RIC1: variants seen among roughly 807,000 people sequenced by gnomAD.
RIC1 encodes guanine nucleotide exchange factor subunit RIC1.
Under a neutral mutation model 169.0 loss-of-function variants are expected in RIC1, and 88 were observed. The observed-to-expected ratio is 0.52, with a 90% CI of 0.44 to 0.62. RIC1 has a LOEUF of 0.62. Among genes scored for constraint, RIC1 ranks in the 20% least tolerant of loss-of-function variants. The pLI, the probability that RIC1 is intolerant of heterozygous loss-of-function variation, is 0.00. For missense variants in RIC1, 1,877 were observed against 1,725.5 expected, an observed-to-expected ratio of 1.09 and a Z score of -1.56; for synonymous variants, 790 against 601.5, an observed-to-expected ratio of 1.31 and a Z score of -4.59.
intron 4 of RIC1, among the ~76,000 whole-genome samples, chr9:5,716,154 A>C (rs1007529951): frequency 3.3e-5 from 5 of 152,098 alleles, no homozygotes; most frequent in African/African-American, 9.7e-5. Context: ...CAAGATCCTA[A>C]ATTTAAACAT....
chr9:5,655,472 T>C (rs866155679), intron 1 of RIC1, among the ~76,000 whole-genome samples: 4 of 152,174 alleles, frequency 2.6e-5, no homozygotes, highest in Non-Finnish European at 2.9e-5. Context: ...GGCTAATTTT[T>C]GTATTTTTAG....
chr9:5,637,527 C>T (rs990225811), intron 1 of RIC1, among the ~76,000 whole-genome samples: 2 of 152,162 alleles, frequency 1.3e-5, no homozygotes, highest in African/African-American at 2.4e-5. Context: ...TGTAGTCACC[C>T]TGTTGTGCTA....
At chr9:5,669,765 A>G (rs2130555289) in intron 2 of RIC1, among the ~76,000 whole-genome samples, 1 of 152,310 alleles carries the variant, frequency 6.6e-6, no homozygotes, top group East Asian at 1.9e-4. Flanking sequence ...GGGAATTTAT[A>G]GCCAAGGAGC....
Position 5,770,154 on chromosome 9 carries a change from C to T in RIC1, c.3492C>T (p.Ile1164=), listed in dbSNP as rs760940887. ...TGAACCTTGAGATGGATGCTGGCAT[C>T]TCCAACATCCAGCGAAGTCAGAGCT... ...PFLNLEMDAG[I]SNIQRSQSWL... The change falls in exon 23 of 26, where the codon ATC becomes ATT. Residue 1164 remains isoleucine (I), a synonymous_variant. Transcript: ENST00000414202. The T allele has an allele frequency of 5.6e-6, 9 of 1,613,776 alleles. No individual in the cohort carries two copies. Among genetic ancestry groups the T allele is most frequent in the African/African-American group, 1.3e-5 (1 of 74,916 alleles).
intron 3 of RIC1, among the ~76,000 whole-genome samples, chr9:5,711,715 T>A (rs1822937630): frequency 6.6e-6 from 1 of 152,174 alleles, no homozygotes; most frequent in Non-Finnish European, 1.5e-5. Flanking sequence ...CCTAATGCTA[T>A]CCCTCCCTGC....
intron 1 of RIC1, among the ~76,000 whole-genome samples, chr9:5,654,968 G>C (rs1009258924): frequency 6.6e-6 from 1 of 152,120 alleles, no homozygotes; most frequent in Admixed American, 6.5e-5. Flanking sequence ...ACTTATTCTA[G>C]GAGGATTTTT....
In RIC1 at chr9:5,775,449, C is replaced by T. The variant is rs1437125674; in HGVS notation, c.*1203C>T. The T allele has an allele frequency of 6.6e-6, 1 of 152,136 alleles. No homozygotes were observed. The highest frequency in any genetic ancestry group is 1.5e-5 in the Non-Finnish European group (1 of 68,018). The allele number at this position is 152,136 out of a possible 1,614,324, so 9.4% of individuals were successfully genotyped here. ...TAATTACCTTATAACAGTATTAAGACAGCTTGTTTGTACTGTGCAATTTGA... is the reference window on the plus strand; with the variant it reads ...TAATTACCTTATAACAGTATTAAGATAGCTTGTTTGTACTGTGCAATTTGA... On this transcript the variant is annotated 3_prime_UTR_variant, in exon 26 of 26. Transcript: ENST00000414202.
chr9:5,778,413 G>C (rs1827693148), downstream of RIC1, among the ~76,000 whole-genome samples: 2 of 152,150 alleles, frequency 1.3e-5, no homozygotes, highest in Non-Finnish European at 2.9e-5. Flanking sequence ...GTCCTGGCTA[G>C]AGCCACTAGT....
At chr9:5,633,934 AT>A (rs1204206896) in intron 1 of RIC1, among the ~76,000 whole-genome samples, 1 of 152,122 alleles carries the variant, frequency 6.6e-6, no homozygotes, top group African/African-American at 2.4e-5. Context: ...TCATCGTTCT[AT>A]TCTCTGTTCC....
chr9:5,631,678 T>A (rs372574919), intron 1 of RIC1, among the ~76,000 whole-genome samples: 44 of 129,410 alleles, frequency 3.4e-4, no homozygotes, highest in African/African-American at 1.4e-3. Flanking sequence ...AGAGCAAGAC[T>A]CTGTCTCAAA....
chr9:5,711,872 A>G (rs1822950912), intron 3 of RIC1, among the ~76,000 whole-genome samples: 1 of 152,158 alleles, frequency 6.6e-6, no homozygotes, highest in Non-Finnish European at 1.5e-5. Context: ...GATGGTTTCC[A>G]GCTTCATCTA....
chr9:5,672,901 G>A (rs1820194828), intron 2 of RIC1, among the ~76,000 whole-genome samples: 1 of 152,054 alleles, frequency 6.6e-6, no homozygotes, highest in South Asian at 2.1e-4. Context: ...GGGAACATTA[G>A]AACAACATCT....
intron 3 of RIC1, among the ~76,000 whole-genome samples, chr9:5,709,819 C>A (rs145592165): frequency 2.0e-4 from 31 of 151,990 alleles, no homozygotes; most frequent in Non-Finnish European, 4.0e-4. Flanking sequence ...AACTTTCCTG[C>A]GAGATGTATC....
chr9:5,758,752 C>CTTT (rs1233419584), intron 17 of RIC1, among the ~76,000 whole-genome samples: 1 of 36,442 alleles, frequency 2.7e-5, no homozygotes, highest in South Asian at 7.5e-4. Flanking sequence ...GTCCTTTTTT[C>CTTT]TTTTTTTTTT....
At chr9:5,700,460 C>G (rs939524506) in intron 3 of RIC1, among the ~76,000 whole-genome samples, 8 of 152,084 alleles carry the variant, frequency 5.3e-5, no homozygotes, top group Admixed American at 5.2e-4. Flanking sequence ...ATAACTGTAG[C>G]TCAAACTTTT....
In RIC1 at chr9:5,774,937, C is replaced by G. The variant is rs950645397; in HGVS notation, c.*691C>G. The G allele has an allele frequency of 6.6e-6, 1 of 152,166 alleles. No individual in the cohort carries two copies. Among genetic ancestry groups the G allele is most frequent in the Non-Finnish European group, 1.5e-5 (1 of 68,024 alleles). 9.4% of individuals were successfully genotyped at this position (152,166 alleles called of 1,614,324 possible). Reference sequence around the variant, plus strand: ...AATTTTGCTGTTAGATACCACTAAACTATTTTGTATTAAAGAACAGTATCT... The same window carrying G: ...AATTTTGCTGTTAGATACCACTAAAGTATTTTGTATTAAAGAACAGTATCT... On this transcript the variant is annotated 3_prime_UTR_variant, in exon 26 of 26. Coordinates refer to ENST00000414202, the MANE Select transcript of RIC1 (RefSeq NM_020829.4).
At chr9:5,733,471 G>A (rs1191511343) in intron 7 of RIC1, among the ~76,000 whole-genome samples, 10 of 151,896 alleles carry the variant, frequency 6.6e-5, no homozygotes, top group African/African-American at 4.8e-5. Context: ...ATTTCACCGT[G>A]TTTGGCCAGG....
chr9:5,674,816 A>G (rs1459088687), intron 2 of RIC1, among the ~76,000 whole-genome samples: 3 of 152,162 alleles, frequency 2.0e-5, no homozygotes, highest in Non-Finnish European at 2.9e-5. Flanking sequence ...TCTTTGGAGA[A>G]AGGCACAGAT....
At chr9:5,724,698 A>G (rs1226787169) in intron 6 of RIC1, among the ~76,000 whole-genome samples, 2 of 152,190 alleles carry the variant, frequency 1.3e-5, no homozygotes, top group African/African-American at 2.4e-5. Flanking sequence ...TGGGTTTGTC[A>G]TAAGTAGCTC....
Sources: allele counts gnomAD v4.1 joint callset (sites outside exome capture counted in the v4.1 genomes callset), GRCh38; gene constraint gnomAD v4.1.1; transcripts MANE v1.5; gene names NCBI Gene and HGNC (gene_info 2026-07-23, HGNC 2026-07-21).